CEBPZ: variants seen among roughly 807,000 people sequenced by gnomAD.
CEBPZ encodes CCAAT/enhancer-binding protein zeta.
Under a neutral mutation model 104.5 loss-of-function variants are expected in CEBPZ, and 78 were observed. The observed-to-expected ratio is 0.75, with a 90% CI of 0.62 to 0.90. CEBPZ has a LOEUF of 0.90. Among genes scored for constraint, CEBPZ ranks in the 40% least tolerant of loss-of-function variants. CEBPZ has a pLI of 0.00. For missense variants in CEBPZ, 1,439 were observed against 1,233.5 expected, an observed-to-expected ratio of 1.17 and a Z score of -2.50; for synonymous variants, 470 against 427.0, an observed-to-expected ratio of 1.10 and a Z score of -1.24.
intron 12 of CEBPZ, chr2:37,211,446 C>A (rs761184538): frequency 8.5e-6 from 2 of 234,574 alleles, no homozygotes; most frequent in Non-Finnish European, 1.6e-5. Flanking sequence ...AGACAACAGT[C>A]TAGAGACAAT....
At chr2:37,214,729 A>C (rs994836423) in intron 9 of CEBPZ, among the ~76,000 whole-genome samples, 157 bp downstream of exon 9, 1 of 152,192 alleles carries the variant, frequency 6.6e-6, no homozygotes, top group Non-Finnish European at 1.5e-5. Flanking sequence ...TGAAGCATTT[A>C]AAACTAAGGC....
intron 2 of CEBPZ, among the ~76,000 whole-genome samples, chr2:37,226,201 GTC>G (rs1664883393): frequency 6.6e-6 from 1 of 151,774 alleles, no homozygotes; most frequent in Non-Finnish European, 1.5e-5. Context: ...TCTATACTTT[GTC>G]TCTGTGTCTT....
intron 13 of CEBPZ, among the ~76,000 whole-genome samples, chr2:37,208,122 G>A (rs1248070809): frequency 6.6e-6 from 1 of 152,082 alleles, no homozygotes; most frequent in Non-Finnish European, 1.5e-5. Flanking sequence ...ACTCTGAACA[G>A]ACCAATAACA....
rs773212478 is a variant in CEBPZ, at chr2:37,223,309, C to T, written c.1742G>A (p.Arg581His). The change falls in exon 3 of 16, where the codon CGC becomes CAC. Residue 581 changes from arginine to histidine, a missense_variant. Arg to His is a conservative substitution (Grantham distance 29). Transcript: ENST00000234170. ...YKSLKADIVL[R>H]RVKAFVKRLL... The stretch of plus-strand genomic sequence containing the variant: ...CCTCTTCACAAAAGCCTTCACCCGG[C>T]GCAACACAATGTCAGCTTTCAGAGA... 51 of 1,613,950 alleles carry T rather than the reference C, an allele frequency of 3.2e-5. No individual in the cohort carries two copies. The highest frequency in any genetic ancestry group is 2.2e-4 in the Admixed American group (13 of 59,988).
chr2:37,228,879 T>A lies in CEBPZ; in HGVS notation c.314A>T (p.Asp105Val). 6.2e-7 allele frequency: 1 copy of A among 1,605,618 alleles called. No individual in the cohort carries two copies. The highest frequency in any genetic ancestry group is 8.5e-7 in the Non-Finnish European group (1 of 1,177,880). The change falls in exon 2 of 16, where the codon GAT becomes GTT. Residue 105 changes from aspartate to valine, a missense_variant. Coordinates refer to ENST00000234170, the MANE Select transcript of CEBPZ (RefSeq NM_005760.3). ...KYTKASLVEE[D>V]EPAEKENSSK... ...GGAATTTTCTTTTTCAGCTGGTTCA[T>A]CTTCTTCAACTAAGGAAGCTTTTGT...
chr2:37,210,765 G>T, intron 13 of CEBPZ: 1 of 420,026 alleles, frequency 2.4e-6, no homozygotes, highest in East Asian at 4.3e-5. Context: ...AAAAACAACT[G>T]AAATAATGAT....
chr2:37,205,847 T>C (rs967459196), intron 13 of CEBPZ, among the ~76,000 whole-genome samples: 18 of 152,182 alleles, frequency 1.2e-4, no homozygotes, highest in Non-Finnish European at 2.9e-5. Flanking sequence ...TCTTGTAAGA[T>C]AATACTTTTA....
Position 37,211,114 on chromosome 2 carries a change from T to C in CEBPZ, c.2801-32A>G, listed in dbSNP as rs374450191. The C allele has an allele frequency of 2.1e-5, 30 of 1,446,976 alleles. No individual in the cohort carries two copies. In the African/African-American group the frequency reaches 2.3e-4, roughly 11 times the overall value. The allele number at this position is 1,446,976 out of a possible 1,614,324, so 89.6% of individuals were successfully genotyped here. A position where few individuals can be genotyped will look rare whatever the true frequency, so the allele number is the denominator to read the frequency against. ...CACGAAAAAATTTGCTAATAAGCAA[T>C]TTAAAAACAATAAGACTGGAAAATA... On this transcript the variant is annotated intron_variant, in intron 12 of 15. Coordinates refer to ENST00000234170, the MANE Select transcript of CEBPZ (RefSeq NM_005760.3).
chr2:37,212,007 T>C lies in CEBPZ; in HGVS notation c.2636A>G (p.Asp879Gly), dbSNP rs779235292. Residue 879 changes from aspartate to glycine, a missense_variant, in exon 12 of 16, where the codon GAT becomes GGT. By Grantham distance (94) the Asp-to-Gly change is moderately conservative. Coordinates refer to ENST00000234170, the MANE Select transcript of CEBPZ (RefSeq NM_005760.3). ...NVKKRTKGAKDNTLDEDSEGS... is the reference protein window; with the variant it reads ...NVKKRTKGAKGNTLDEDSEGS... ...TTCTGAATCTTCATCTAATGTGTTA[T>C]CCTTAGCTCCTTTTGTTCTCTTTTT... 16 of 1,592,722 alleles carry C rather than the reference T, an allele frequency of 1.0e-5. No individual in the cohort carries two copies. Among genetic ancestry groups the C allele is most frequent in the South Asian group, 3.5e-5 (3 of 86,644 alleles).
chr2:37,223,464 A>T (rs930618504), intron 2 of CEBPZ, 63 bp from the exon 3 acceptor site: 81 of 1,371,926 alleles, frequency 5.9e-5, no homozygotes, highest in Admixed American at 1.5e-4. Flanking sequence ...CAATGGTCAC[A>T]TATTAGAAAT....
At chr2:37,216,264 TTTA>T in intron 7 of CEBPZ, 49 bp downstream of exon 7, 18 of 1,600,704 alleles carry the variant, frequency 1.1e-5, no homozygotes, top group Non-Finnish European at 1.5e-5. Flanking sequence ...GCTCATATTG[TTTA>T]TTATGTATTA....
intron 12 of CEBPZ, 107 bp from the exon 13 acceptor site, chr2:37,211,189 TG>T: frequency 1.6e-6 from 1 of 628,882 alleles, no homozygotes; most frequent in South Asian, 2.3e-5. Context: ...GGCACTATAC[TG>T]CTATTCCATG....
intron 2 of CEBPZ, 147 bp downstream of exon 2, chr2:37,227,397 T>C (rs1022369725): frequency 3.4e-6 from 2 of 588,316 alleles, no homozygotes; most frequent in African/African-American, 3.8e-5. Flanking sequence ...ATTAAGTGAC[T>C]TACTTGAAGG....
At chr2:37,211,138 T>C in intron 12 of CEBPZ, 56 bp from the exon 13 acceptor site, 2 of 1,151,006 alleles carry the variant, frequency 1.7e-6, no homozygotes, top group Non-Finnish European at 2.6e-6. Flanking sequence ...GACTGGAAAA[T>C]ATTACTCCAA....
rs117949087 is a variant in CEBPZ, at chr2:37,201,989, C to T, written c.3026-86G>A. On this transcript the variant is annotated intron_variant, in intron 15 of 15. Transcript: ENST00000234170. ...AGAACATGCTGCTGAGTCACAGGAA[C>T]TTCTAGCCTGCCTTGGCCTGTGGTT... The T allele has an allele frequency of 7.1e-4, 931 of 1,318,800 alleles. 11 individuals are homozygous for T. The East Asian group carries it at 0.019, about 27-fold the overall frequency. The allele number at this position is 1,318,800 out of a possible 1,614,324, so 81.7% of individuals were successfully genotyped here.
rs1677731497 is a variant in CEBPZ at position 37,211,898 on chromosome 2, A to G, written c.2745T>C (p.Asp915=). ...SMDDEEFAEV[D]EDGGTFMDVL... ...CATCCATGAATGTTCCTCCATCTTC[A>G]TCAACTTCAGCAAATTCTTCATCAT... Residue 915 remains aspartate, a synonymous_variant, in exon 12 of 16, where the codon GAT becomes GAC. Coordinates refer to ENST00000234170, the MANE Select transcript of CEBPZ (RefSeq NM_005760.3). The G allele has an allele frequency of 1.2e-6, 2 of 1,612,140 alleles. No homozygotes were observed. Among genetic ancestry groups the G allele is most frequent in the African/African-American group, 2.7e-5 (2 of 74,820 alleles).
At chr2:37,223,493 AG>A in intron 2 of CEBPZ, 92 bp from the exon 3 acceptor site, 2 of 1,067,084 alleles carry the variant, frequency 1.9e-6, no homozygotes, top group Non-Finnish European at 1.4e-6. Flanking sequence ...ACCTCATCTT[AG>A]TTAGGGATAA....
At position 37,228,941 on chromosome 2, in the gene CEBPZ, C is replaced by T. The variant is rs1393847669; in HGVS notation, c.252G>A (p.Leu84=). 6.2e-7 allele frequency: 1 copy of T among 1,611,060 alleles called. No individual in the cohort carries two copies. The highest frequency in any genetic ancestry group is 8.5e-7 in the Non-Finnish European group (1 of 1,179,010). ...AATTAAGATTTTGAATAAATGCTTC[C>T]AATTCACCTTGCTGAAGGTCATCGA... ...GAIDDLQQGE[L]EAFIQNLNLA... is the part of the protein sequence containing the mutation. The change falls in exon 2 of 16, where the codon TTG becomes TTA. Residue 84 remains leucine (L), a synonymous_variant. Coordinates refer to ENST00000234170, the MANE Select transcript of CEBPZ (RefSeq NM_005760.3).
chr2:37,211,013 G>A lies in CEBPZ; in HGVS notation c.2870C>T (p.Ala957Val). 6.2e-7 allele frequency: 1 copy of A among 1,609,134 alleles called. No individual in the cohort carries two copies. Among genetic ancestry groups the A allele is most frequent in the East Asian group, 2.2e-5 (1 of 44,662 alleles). ...TATTTTCTTACCTTGAAATGAGCCA[G>A]CAAAGTCAAAATCATCTGTACCTTT... ...KRKGTDDFDFAGSFQGPRKKK... is the reference protein window; with the variant it reads ...KRKGTDDFDFVGSFQGPRKKK... Residue 957 changes from alanine (A) to valine (V), a missense_variant, in exon 13 of 16, where the codon GCT becomes GTT. By Grantham distance (64) the Ala-to-Val change is moderately conservative (BLOSUM62 0). Coordinates refer to ENST00000234170, the MANE Select transcript of CEBPZ (RefSeq NM_005760.3).
Sources: allele counts gnomAD v4.1 joint callset (sites outside exome capture counted in the v4.1 genomes callset), GRCh38; gene constraint gnomAD v4.1.1; transcripts MANE v1.5; gene names NCBI Gene and HGNC (gene_info 2026-07-23, HGNC 2026-07-21).